The following ADAMTS2 variants were observed in gnomAD, a reference collection of about 807,000 sequenced individuals.
ADAMTS2 encodes the protein A disintegrin and metalloproteinase with thrombospondin motifs 2.
In ADAMTS2, 50 loss-of-function variants were observed where a neutral mutation model predicts 123.0. The ratio of observed to expected loss-of-function variants is 0.41; its 90% CI spans 0.32 to 0.51. The LOEUF (loss-of-function observed/expected upper bound fraction) is 0.51, where lower values mean the gene tolerates loss of function less well. ADAMTS2 is among the 20% of genes least tolerant of loss of function. The probability of loss-of-function intolerance (pLI) is 0.35; values close to 1 mark genes in which losing one functional copy is unlikely to be tolerated. For synonymous variants in ADAMTS2, 678 were observed against 695.4 expected (o/e 0.98, Z 0.39); for missense variants, 1,494 against 1,705.2 (o/e 0.88, Z 2.18).
chr5:179,216,858 C>T (rs1021419569), intron 3 of ADAMTS2, among the ~76,000 whole-genome samples: 9 of 152,326 alleles, frequency 5.9e-5, no homozygotes, highest in African/African-American at 2.2e-4. Context: ...TAGGAAACGG[C>T]GGAGGTGGAG....
chr5:179,126,960 G>C (rs1408159551), intron 17 of ADAMTS2, among the ~76,000 whole-genome samples: 1 of 152,246 alleles, frequency 6.6e-6, no homozygotes, highest in Non-Finnish European at 1.5e-5. Flanking sequence ...GCGAGGCACA[G>C]GGTGGAGATA....
chr5:179,230,918 G>A (rs557107837), intron 3 of ADAMTS2, among the ~76,000 whole-genome samples: 1 of 152,200 alleles, frequency 6.6e-6, no homozygotes, highest in East Asian at 1.9e-4. Context: ...GGCTGAGGCA[G>A]GAGAATGGCT....
rs1463447492 is a variant in ADAMTS2, at chr5:179,158,069, A to G, written c.1132+654T>C. Among the ~76,000 whole-genome samples the G allele has an allele frequency of 2.0e-5, 3 of 151,566 alleles. No individual in the cohort carries two copies. Among genetic ancestry groups the G allele is most frequent in the Admixed American group, 6.6e-5 (1 of 15,204 alleles). ...AAACTCCGCCTCCCGGGTTCACACC[A>G]TTCTCCTGCCTCAGCCTCCCGGGTA... is the stretch of plus-strand genomic sequence containing the variant. On this transcript the variant is annotated intron_variant, in intron 6 of 21. Transcript: ENST00000251582. The surrounding 1 kb of genome is among the most constrained non-coding windows in gnomAD (Gnocchi z 5.0).
rs1478349039 is a variant in ADAMTS2 at position 179,309,636 on chromosome 5, T to C, written c.534+34131A>G. Among the ~76,000 whole-genome samples, 3 of 151,796 alleles carry C rather than the reference T, an allele frequency of 2.0e-5. No individual in the cohort carries two copies. The East Asian group carries it at 5.8e-4, about 29-fold the overall frequency. ...AGCCACGCATGGTGGCACGCACCGG[T>C]AACCCCAGCTACTCAGGAGGCTAAG... is the stretch of plus-strand genomic sequence containing the variant. On this transcript the variant is annotated intron_variant, in intron 2 of 21. Transcript: ENST00000251582.
At chr5:179,135,268 G>A (rs751101353) in intron 13 of ADAMTS2, among the ~76,000 whole-genome samples, 3 of 152,176 alleles carry the variant, frequency 2.0e-5, no homozygotes, top group Non-Finnish European at 4.4e-5. Context: ...GGTCAAGCCA[G>A]AGTCAGCCTC....
Position 179,330,538 on chromosome 5 carries a change from G to A in ADAMTS2, c.534+13229C>T, listed in dbSNP as rs571487725. On this transcript the variant is annotated intron_variant, in intron 2 of 21. Transcript: ENST00000251582. ...GCAGAAGCTCTGCAAAGAGAAGAAC[G>A]CAGCAACTCTGGCAACCTGACTGTG... Among the ~76,000 whole-genome samples the A allele has an allele frequency of 2.8e-4, 43 of 152,302 alleles. No individual in the cohort carries two copies. In the South Asian group the frequency reaches 8.5e-3, roughly 30 times the overall value.
In ADAMTS2 at chr5:179,276,016, C is replaced by T. The variant is rs190705608; in HGVS notation, c.535-2952G>A. On this transcript the variant is annotated intron_variant, in intron 2 of 21. Transcript: ENST00000251582. ...AGAGTTACCAGGGCAAGACCGAGGT[C>T]GGAGAAGGAGGTCAGCAGGGCTGTG... Among the ~76,000 whole-genome samples the T allele has an allele frequency of 9.2e-5, 14 of 152,174 alleles. No homozygotes were observed. In the East Asian group the frequency reaches 1.4e-3, roughly 15 times the overall value.
In ADAMTS2 at chr5:179,197,232, G is replaced by A. The variant is rs750045897; in HGVS notation, c.891+10281C>T. On this transcript the variant is annotated intron_variant, in intron 4 of 21. Transcript: ENST00000251582. The surrounding 1 kb of genome is among the most constrained non-coding windows in gnomAD (Gnocchi z 4.2). Reference sequence around the variant, plus strand: ...TCTGCCTCCTGTCTACAAGGAGTGCGGTGGGACCAGGGGCTCACAAAGACA... The same window carrying A: ...TCTGCCTCCTGTCTACAAGGAGTGCAGTGGGACCAGGGGCTCACAAAGACA... Among the ~76,000 whole-genome samples, 4 of 152,108 alleles carry A rather than the reference G, an allele frequency of 2.6e-5. No individual in the cohort carries two copies. The highest frequency in any genetic ancestry group is 7.2e-5 in the African/African-American group (3 of 41,408).
intron 4 of ADAMTS2, among the ~76,000 whole-genome samples, chr5:179,201,980 G>A (rs1764577924): frequency 6.6e-6 from 1 of 152,164 alleles, no homozygotes; most frequent in South Asian, 2.1e-4. Flanking sequence ...GTGCCCAGGT[G>A]GCCTCATGAA....
In ADAMTS2 at chr5:179,137,812, G is replaced by A. The variant is rs1862211; in HGVS notation, c.1908C>T (p.His636=). The change falls in exon 12 of 22, where the codon CAC becomes CAT. Residue 636 remains histidine (H), a synonymous_variant. Coordinates refer to ENST00000251582, the MANE Select transcript of ADAMTS2 (RefSeq NM_014244.5). The stretch of plus-strand genomic sequence containing the variant: ...GCAGCCAGTGGTGCTGGGCGTCGCC[G>A]TGCTCGAAGTACAGGTCCCACTGGC... ...QCRQWDLYFE[H]GDAQHHWLPH... is the part of the protein sequence containing the mutation. 8,318 of 1,578,886 alleles carry A rather than the reference G, an allele frequency of 5.3e-3. 406 individuals carry two copies. In the African/African-American group the frequency reaches 0.097, roughly 18 times the overall value.
intron 2 of ADAMTS2, among the ~76,000 whole-genome samples, chr5:179,273,945 C>T (rs574346152): frequency 1.3e-5 from 2 of 152,152 alleles, no homozygotes; most frequent in East Asian, 3.9e-4. Context: ...TGCACCCTGC[C>T]GAGCCACCCA....
rs1184319361 is a variant in ADAMTS2, at chr5:179,129,040, C to T, written c.2457+892G>A. Among the ~76,000 whole-genome samples, 2 of 152,276 alleles carry T rather than the reference C, an allele frequency of 1.3e-5. No individual in the cohort carries two copies. Among genetic ancestry groups the T allele is most frequent in the African/African-American group, 2.4e-5 (1 of 41,566 alleles). ...CTCCGCTGGGAACACGTGTGGCAGG[C>T]GACTCACACTTCACCACTCTGTGCG... On this transcript the variant is annotated intron_variant, in intron 16 of 21. Coordinates refer to ENST00000251582, the MANE Select transcript of ADAMTS2 (RefSeq NM_014244.5). This position sits in a 1 kb window ranked among gnomAD's most constrained non-coding sequence, Gnocchi z 4.1.
At chr5:179,138,025 G>A in intron 11 of ADAMTS2, 81 bp from the exon 12 acceptor site, 11 of 1,471,526 alleles carry the variant, frequency 7.5e-6, no homozygotes, top group Non-Finnish European at 9.2e-6. Flanking sequence ...GATCTTTTTA[G>A]GGGGGATCCC....
Position 179,207,498 on chromosome 5 carries a change from A to ACCCC in ADAMTS2, c.891+14_891+15insGGGG. The ACCCC allele has an allele frequency of 1.5e-6, 1 of 681,276 alleles. No homozygotes were observed. Among genetic ancestry groups the ACCCC allele is most frequent in the South Asian group, 1.9e-5 (1 of 51,944 alleles). 42.2% of individuals were successfully genotyped at this position (681,276 alleles called of 1,614,324 possible). A position where few individuals can be genotyped will look rare whatever the true frequency, so the allele number is the denominator to read the frequency against. On this transcript the variant is annotated intron_variant, in intron 4 of 21. Transcript: ENST00000251582. ...CCTCCCCGCCCCACCCTGCCCCCTC[A>ACCCC]GCCACCCCACTCACAATGTTCATGA...
At chr5:179,328,216 T>G (rs1757365193) in intron 2 of ADAMTS2, among the ~76,000 whole-genome samples, 1 of 152,352 alleles carries the variant, frequency 6.6e-6, no homozygotes, top group South Asian at 2.1e-4. Flanking sequence ...GTATTTTTAG[T>G]AGAGACGGGG....
chr5:179,226,335 C>T (rs1385478625), intron 3 of ADAMTS2, among the ~76,000 whole-genome samples: 2 of 149,662 alleles, frequency 1.3e-5, no homozygotes, highest in African/African-American at 4.9e-5. Context: ...GGCGTGATCT[C>T]AGCTCACTGC....
chr5:179,333,418 G>A (rs1278026791), intron 2 of ADAMTS2, among the ~76,000 whole-genome samples: 1 of 152,176 alleles, frequency 6.6e-6, no homozygotes. Context: ...TGTAGCTTTT[G>A]AAAAGTACAG....
intron 3 of ADAMTS2, among the ~76,000 whole-genome samples, chr5:179,217,862 ATGGCCTGAGGG>A (rs1561811430): frequency 1.4e-4 from 7 of 48,670 alleles, no homozygotes; most frequent in African/African-American, 7.0e-4. Context: ...TAGGTAGGGG[ATGGCCTGAGGG>A]CAGACGGCAC....
intron 3 of ADAMTS2, among the ~76,000 whole-genome samples, chr5:179,247,973 G>A (rs968258918): frequency 7.2e-5 from 11 of 152,074 alleles, no homozygotes; most frequent in South Asian, 2.1e-4. Flanking sequence ...CAAAATCTTC[G>A]TTTGTAACTC....
Sources: allele counts gnomAD v4.1 joint callset (sites outside exome capture counted in the v4.1 genomes callset), GRCh38; gene constraint gnomAD v4.1.1; non-coding constraint Gnocchi (gnomAD v3.1); transcripts MANE v1.5; gene names NCBI Gene and HGNC (gene_info 2026-07-23, HGNC 2026-07-21).